Variants in GRID2 observed in about 807,000 individuals in gnomAD.
GRID2 encodes glutamate ionotropic receptor delta type subunit 2, also known as glutamate receptor ionotropic, delta-2.
In GRID2, 33 loss-of-function variants were observed where a neutral mutation model predicts 114.8. That is an observed-to-expected ratio of 0.29 (90% CI 0.22 to 0.38). The LOEUF (loss-of-function observed/expected upper bound fraction) is 0.38. GRID2 is among the 10% of genes least tolerant of loss of function. The probability of loss-of-function intolerance (pLI) is 1.00; values close to 1 mark genes in which losing one functional copy is unlikely to be tolerated. For missense variants in GRID2, 1,184 were observed against 1,257.7 expected (o/e 0.94, Z 0.89); for synonymous variants, 505 against 449.9 (o/e 1.12, Z -1.55).
intron 1 of GRID2, among the ~76,000 whole-genome samples, chr4:93,792,352 C>T (rs755089011): frequency 6.6e-6 from 1 of 152,092 alleles, no homozygotes; most frequent in Admixed American, 6.6e-5. Flanking sequence ...TTTAATTCTC[C>T]CCCACACCTA....
intron 13 of GRID2, among the ~76,000 whole-genome samples, chr4:93,600,114 A>T (rs2149637872): frequency 6.6e-6 from 1 of 152,340 alleles, no homozygotes; most frequent in South Asian, 2.1e-4. Context: ...GGGCTGAGTA[A>T]ACTCATCAGG....
chr4:93,285,820 G>A (rs1753095786), intron 8 of GRID2, among the ~76,000 whole-genome samples: 1 of 151,932 alleles, frequency 6.6e-6, no homozygotes, highest in African/African-American at 2.4e-5. Context: ...TACTGCTATA[G>A]GGGTAAGATT....
At chr4:92,808,602 T>C (rs1740525173) in intron 2 of GRID2, among the ~76,000 whole-genome samples, 1 of 152,008 alleles carries the variant, frequency 6.6e-6, no homozygotes, top group African/African-American at 2.4e-5. Context: ...TTTATTTTTG[T>C]AGAGCTTAAG....
intron 2 of GRID2, among the ~76,000 whole-genome samples, chr4:92,653,521 G>C (rs1732078530): frequency 6.6e-6 from 1 of 151,572 alleles, no homozygotes; most frequent in Admixed American, 6.6e-5. Context: ...ATTATCTTGG[G>C]CACATTTCCT....
At chr4:92,655,892 C>A (rs371442420) in intron 2 of GRID2, among the ~76,000 whole-genome samples, 1 of 151,652 alleles carries the variant, frequency 6.6e-6, no homozygotes, top group Non-Finnish European at 1.5e-5. Flanking sequence ...GCTAAGATTT[C>A]CAGTACCAAG....
chr4:92,488,321 C>A (rs1340657078), intron 1 of GRID2, among the ~76,000 whole-genome samples: 1 of 152,126 alleles, frequency 6.6e-6, no homozygotes, highest in African/African-American at 2.4e-5. Flanking sequence ...GCTGAGATCA[C>A]AAGGCAAACA....
chr4:93,355,852 C>G (rs1023810091), intron 8 of GRID2, among the ~76,000 whole-genome samples: 1 of 152,006 alleles, frequency 6.6e-6, no homozygotes, highest in Non-Finnish European at 1.5e-5. Context: ...TACATGCTAC[C>G]ACAGAATGCA....
intron 1 of GRID2, among the ~76,000 whole-genome samples, chr4:93,791,539 C>T (rs1734694710): frequency 6.6e-6 from 1 of 152,048 alleles, no homozygotes; most frequent in African/African-American, 2.4e-5. Flanking sequence ...GAAAGACTAA[C>T]TTTAAGGAGA....
chr4:92,828,039 C>A (rs931393413), intron 2 of GRID2, among the ~76,000 whole-genome samples: 2 of 151,970 alleles, frequency 1.3e-5, no homozygotes, highest in African/African-American at 4.8e-5. Context: ...TCAGGAACTT[C>A]CTGCTAGGCT....
intron 8 of GRID2, among the ~76,000 whole-genome samples, chr4:93,299,460 G>A (rs909282386): frequency 2.2e-4 from 32 of 146,788 alleles, no homozygotes; most frequent in East Asian, 4.1e-4. Flanking sequence ...AGTGATCTCC[G>A]TTTAATTATC....
At chr4:93,289,652 A>G (rs1753533591) in intron 8 of GRID2, among the ~76,000 whole-genome samples, 2 of 152,222 alleles carry the variant, frequency 1.3e-5, no homozygotes, top group Non-Finnish European at 2.9e-5. Context: ...TACAATGAAT[A>G]TAAGTTGTAA....
intron 2 of GRID2, among the ~76,000 whole-genome samples, chr4:92,639,062 AACCAG>A (rs1335157544): frequency 6.6e-6 from 1 of 151,406 alleles, no homozygotes; most frequent in Non-Finnish European, 1.5e-5. Context: ...TCAATTTGTA[AACCAG>A]ACTGTAATGA....
intron 4 of GRID2, among the ~76,000 whole-genome samples, chr4:93,152,600 C>T (rs534575128): frequency 3.9e-5 from 6 of 152,192 alleles, no homozygotes; most frequent in African/African-American, 1.4e-4. Flanking sequence ...CTATTTATTG[C>T]TGCTTCAAGC....
At chr4:92,505,972 C>T (rs1723946669) in intron 1 of GRID2, among the ~76,000 whole-genome samples, 1 of 151,874 alleles carries the variant, frequency 6.6e-6, no homozygotes, top group South Asian at 2.1e-4. Context: ...CTTCAATCAA[C>T]ATTAAATGAA....
chr4:93,421,922 G>A (rs1264961651), intron 9 of GRID2, among the ~76,000 whole-genome samples: 1 of 151,920 alleles, frequency 6.6e-6, no homozygotes, highest in Non-Finnish European at 1.5e-5. Flanking sequence ...GGGCTGGATG[G>A]ACTACATACA....
chr4:92,944,762 A>G (rs1195499958), intron 2 of GRID2, among the ~76,000 whole-genome samples: 1 of 152,196 alleles, frequency 6.6e-6, no homozygotes, highest in Non-Finnish European at 1.5e-5. Context: ...ACTAACAGTT[A>G]TTTTATTTGT....
intron 2 of GRID2, among the ~76,000 whole-genome samples, chr4:92,758,203 G>A (rs1737825235): frequency 2.0e-5 from 3 of 152,042 alleles, no homozygotes; most frequent in Non-Finnish European, 4.4e-5. Context: ...TGGTATATAA[G>A]TCACAATTAT....
intron 2 of GRID2, among the ~76,000 whole-genome samples, chr4:92,826,335 C>T (rs1365999030): frequency 6.6e-6 from 1 of 152,108 alleles, no homozygotes; most frequent in Non-Finnish European, 1.5e-5. Flanking sequence ...TAATCTTCCT[C>T]TCTCATTGAG....
intron 2 of GRID2, among the ~76,000 whole-genome samples, chr4:92,959,590 G>T (rs1013620371): frequency 6.6e-6 from 1 of 151,962 alleles, no homozygotes; most frequent in African/African-American, 2.4e-5. Context: ...CAATAGCAAA[G>T]ACTTGGAACC....
Sources: allele counts gnomAD v4.1 joint callset (sites outside exome capture counted in the v4.1 genomes callset), GRCh38; gene constraint gnomAD v4.1.1; transcripts MANE v1.5; gene names NCBI Gene and HGNC (gene_info 2026-07-23, HGNC 2026-07-21).